The following COL22A1 variants were observed in gnomAD, a reference collection of about 807,000 sequenced individuals.
The protein encoded by COL22A1 is collagen type XXII alpha 1 chain.
A neutral mutation model predicts 248.9 loss-of-function variants in COL22A1; 221 were observed. The ratio of observed to expected loss-of-function variants is 0.89; its 90% CI spans 0.80 to 0.99. The LOEUF is 0.99. COL22A1 is among the 50% of genes least tolerant of loss of function. The probability of loss-of-function intolerance (pLI) is 0.00; values close to 1 mark genes in which losing one functional copy is unlikely to be tolerated. For synonymous variants in COL22A1, 891 were observed against 793.4 expected, an observed-to-expected ratio of 1.12 and a Z score of -2.07; for missense variants, 2,240 against 2,179.0, an observed-to-expected ratio of 1.03 and a Z score of -0.56.
At chr8:138,757,950 C>T (rs529705817) in intron 18 of COL22A1, among the ~76,000 whole-genome samples, 40 of 152,342 alleles carry the variant, frequency 2.6e-4, no homozygotes, top group Non-Finnish European at 1.8e-4. Context: ...ACACCATCCC[C>T]GTTCCTCTAT....
At chr8:138,685,140 T>G in intron 38 of COL22A1, 68 bp downstream of exon 38, 1 of 1,113,682 alleles carries the variant, frequency 9.0e-7, no homozygotes, top group Non-Finnish European at 1.3e-6. Flanking sequence ...AGTTAGATTT[T>G]TTTCCTTTTC....
rs776969043 is a variant in COL22A1, at chr8:138,700,139, G to A, written c.2565C>T (p.Ser855=). 9.9e-6 allele frequency: 16 copies of A among 1,613,374 alleles called. No individual in the cohort carries two copies. The African/African-American group carries it at 1.9e-4, about 19-fold the overall frequency. ...AGPPGLPGTT[S]LFTPHPRMPG... ...GCATCCGTGGATGTGGTGTGAACAG[G>A]GATGTCTGAAAAGGAAACCACAGAG... The change falls in exon 32 of 65, where the codon TCC becomes TCT. Residue 855 remains serine, a synonymous_variant. Transcript: ENST00000303045.
chr8:138,789,662 G>A (rs936192372), intron 12 of COL22A1, among the ~76,000 whole-genome samples: 3 of 152,188 alleles, frequency 2.0e-5, no homozygotes, highest in Non-Finnish European at 2.9e-5. Flanking sequence ...CACATTGAAG[G>A]AGGGGCAGGG....
intron 1 of COL22A1, among the ~76,000 whole-genome samples, chr8:138,910,156 A>T (rs1815351153): frequency 6.6e-6 from 1 of 152,356 alleles, no homozygotes; most frequent in South Asian, 2.1e-4. Flanking sequence ...TCATTCATTC[A>T]ATTATTCATT....
rs1815635628 is a variant in COL22A1 at position 138,913,975 on chromosome 8, CG to C, written c.-430del. 6.5e-6 allele frequency: 1 copy of C among 152,718 alleles called. No individual in the cohort carries two copies. The highest frequency in any genetic ancestry group is 2.4e-5 in the African/African-American group (1 of 41,456). 9.5% of individuals were successfully genotyped at this position (152,718 alleles called of 1,614,324 possible). On this transcript the variant is annotated 5_prime_UTR_variant, in exon 1 of 65. Coordinates refer to ENST00000303045, the MANE Select transcript of COL22A1 (RefSeq NM_152888.3). Reference sequence around the variant, plus strand: ...AAGACACTTCCTTGGGGAGAAACGCCGCAGCCTCGGCCAGCCCCGCCACTGC... The same window carrying C: ...AAGACACTTCCTTGGGGAGAAACGCCCAGCCTCGGCCAGCCCCGCCACTGC...
At chr8:138,841,133 C>A (rs1410203966) in intron 4 of COL22A1, among the ~76,000 whole-genome samples, 1 of 152,166 alleles carries the variant, frequency 6.6e-6, no homozygotes, top group African/African-American at 2.4e-5. Flanking sequence ...TCCAACCATT[C>A]ATGTTTTCAT....
chr8:138,865,888 T>C (rs1049451486), intron 3 of COL22A1, among the ~76,000 whole-genome samples: 11 of 151,782 alleles, frequency 7.2e-5, no homozygotes, highest in African/African-American at 2.4e-4. Context: ...TGTATGTGTA[T>C]GTGTGTGCCT....
intron 35 of COL22A1, 130 bp downstream of exon 35, chr8:138,693,514 CAA>C: frequency 1.1e-6 from 1 of 882,204 alleles, no homozygotes; most frequent in South Asian, 1.5e-5. Flanking sequence ...ACCAACCACT[CAA>C]GTGTGGGTGA....
chr8:138,630,356 T>C (rs1033088390), intron 50 of COL22A1, among the ~76,000 whole-genome samples: 12 of 152,196 alleles, frequency 7.9e-5, no homozygotes, highest in African/African-American at 2.9e-4. Flanking sequence ...GCCTTTCCAC[T>C]TCCCTGCACC....
chr8:138,861,712 C>T (rs1399525617), intron 3 of COL22A1, among the ~76,000 whole-genome samples: 2 of 152,318 alleles, frequency 1.3e-5, no homozygotes, highest in Non-Finnish European at 2.9e-5. Context: ...GCCTCTGTGT[C>T]TCCTGACCGC....
At chr8:138,699,495 A>G (rs1827779165) in intron 32 of COL22A1, among the ~76,000 whole-genome samples, 1 of 152,234 alleles carries the variant, frequency 6.6e-6, no homozygotes, top group Non-Finnish European at 1.5e-5. Flanking sequence ...CTACAGCATA[A>G]AGAGATCCTG....
intron 1 of COL22A1, among the ~76,000 whole-genome samples, chr8:138,897,340 G>A (rs1032298914): frequency 2.1e-4 from 32 of 152,098 alleles, no homozygotes; most frequent in African/African-American, 7.0e-4. Context: ...AAGGTCAAGA[G>A]ATCGAGACCA....
intron 43 of COL22A1, among the ~76,000 whole-genome samples, chr8:138,660,851 CATACACAGACACACAA>C (rs1823790947): frequency 3.7e-5 from 5 of 134,798 alleles, no homozygotes; most frequent in Non-Finnish European, 6.4e-5. Context: ...CACACACACA[CATACACAGACACACAA>C]ACACACAGAC....
intron 12 of COL22A1, among the ~76,000 whole-genome samples, chr8:138,792,151 A>G (rs1402320816): frequency 2.0e-5 from 3 of 152,072 alleles, no homozygotes; most frequent in African/African-American, 7.2e-5. Flanking sequence ...ATATTGTAAG[A>G]TGTGGTCCAG....
At chr8:138,780,152 G>A (rs549123271) in intron 13 of COL22A1, among the ~76,000 whole-genome samples, 6 of 152,164 alleles carry the variant, frequency 3.9e-5, no homozygotes, top group Non-Finnish European at 8.8e-5. Context: ...GTAAAAACTG[G>A]CGCCACCCTG....
intron 46 of COL22A1, 37 bp downstream of exon 46, chr8:138,649,628 G>A (rs1174612825): frequency 3.1e-6 from 5 of 1,589,432 alleles, no homozygotes; most frequent in African/African-American, 1.3e-5. Context: ...TATTTTCATT[G>A]TAATGATAAA....
intron 45 of COL22A1, 62 bp downstream of exon 45, chr8:138,655,835 A>G: frequency 1.5e-6 from 2 of 1,371,520 alleles, no homozygotes; most frequent in Non-Finnish European, 2.1e-6. Context: ...ACTTATTATC[A>G]AGATCTCCAA....
At chr8:138,837,536 C>T (rs1820529418) in intron 4 of COL22A1, among the ~76,000 whole-genome samples, 1 of 152,230 alleles carries the variant, frequency 6.6e-6, no homozygotes, top group South Asian at 2.1e-4. Context: ...AGAGTCCCCA[C>T]AGCTCTGGGC....
intron 12 of COL22A1, among the ~76,000 whole-genome samples, chr8:138,789,636 T>C (rs1391862819): frequency 6.6e-6 from 1 of 152,196 alleles, no homozygotes; most frequent in Admixed American, 6.5e-5. Context: ...GGTCAATAAT[T>C]CCCAGAAATC....
Sources: allele counts gnomAD v4.1 joint callset (sites outside exome capture counted in the v4.1 genomes callset), GRCh38; gene constraint gnomAD v4.1.1; transcripts MANE v1.5; gene names NCBI Gene and HGNC (gene_info 2026-07-23, HGNC 2026-07-21).